Variants in SLC35F1 observed in about 807,000 individuals in gnomAD.
SLC35F1 encodes the protein solute carrier family 35 member F1, also known as chromosome 6 open reading frame 169.
A neutral mutation model predicts 48.7 loss-of-function variants in SLC35F1; 14 were observed. The observed-to-expected ratio is 0.29, with a 90% confidence interval of 0.19 to 0.45. The LOEUF (loss-of-function observed/expected upper bound fraction) is 0.45, where lower values mean the gene tolerates loss of function less well. SLC35F1 is among the 20% of genes least tolerant of loss of function. The pLI is 1.00. For missense variants in SLC35F1, 404 were observed against 500.0 expected (o/e 0.81, Z 1.83); for synonymous variants, 190 against 202.2 (o/e 0.94, Z 0.51).
chr6:117,938,363 C>T (rs1776186087), intron 1 of SLC35F1, among the ~76,000 whole-genome samples: 1 of 152,244 alleles, frequency 6.6e-6, no homozygotes, highest in Non-Finnish European at 1.5e-5. Context: ...ATCATATTGA[C>T]ATTAATAACT....
intron 1 of SLC35F1, among the ~76,000 whole-genome samples, chr6:118,110,192 T>C (rs1219865454): frequency 6.6e-6 from 1 of 151,992 alleles, no homozygotes; most frequent in African/African-American, 2.4e-5. Context: ...GCTCCCTTCC[T>C]CACAACAGCA....
intron 1 of SLC35F1, among the ~76,000 whole-genome samples, chr6:117,949,181 G>A (rs1776330889): frequency 6.6e-6 from 1 of 152,110 alleles, no homozygotes; most frequent in Non-Finnish European, 1.5e-5. Flanking sequence ...TATACTCTGG[G>A]ATGTTCCTTA....
intron 1 of SLC35F1, among the ~76,000 whole-genome samples, chr6:117,967,260 G>A (rs145766422): frequency 3.3e-5 from 5 of 152,050 alleles, no homozygotes; most frequent in African/African-American, 1.2e-4. Flanking sequence ...CTGGAAGAAG[G>A]ATAGAAAATA....
At chr6:118,051,194 T>C (rs183826461) in intron 1 of SLC35F1, among the ~76,000 whole-genome samples, 3 of 152,308 alleles carry the variant, frequency 2.0e-5, no homozygotes, top group Admixed American at 6.5e-5. Context: ...ACTTTTACCA[T>C]TTATCAAGCA....
intron 3 of SLC35F1, among the ~76,000 whole-genome samples, chr6:118,241,884 T>A (rs1562336766): frequency 6.6e-6 from 1 of 152,204 alleles, no homozygotes; most frequent in Non-Finnish European, 1.5e-5. Context: ...TCCCTCTAAA[T>A]TGTTTCATGT....
chr6:118,134,873 C>G (rs1773770628), intron 1 of SLC35F1, among the ~76,000 whole-genome samples: 1 of 152,192 alleles, frequency 6.6e-6, no homozygotes, highest in Admixed American at 6.5e-5. Context: ...CCTCCTCCTC[C>G]CCTTCCTTCT....
chr6:118,187,183 A>G (rs1285051844), intron 2 of SLC35F1, among the ~76,000 whole-genome samples: 1 of 152,240 alleles, frequency 6.6e-6, no homozygotes, highest in Non-Finnish European at 1.5e-5. Context: ...CTAGGCAGGC[A>G]TGTGAATGTT....
intron 6 of SLC35F1, among the ~76,000 whole-genome samples, chr6:118,282,278 C>G (rs567550297): frequency 6.6e-6 from 1 of 152,318 alleles, no homozygotes; most frequent in East Asian, 1.9e-4. Context: ...TGCATTCCAA[C>G]TCTCAATTTA....
At chr6:118,200,148 A>C (rs1774854160) in intron 2 of SLC35F1, among the ~76,000 whole-genome samples, 1 of 141,106 alleles carries the variant, frequency 7.1e-6, no homozygotes, top group Admixed American at 7.2e-5. Flanking sequence ...TACCGCTGAC[A>C]TACATACATA....
At chr6:118,215,895 A>G (rs764332501) in intron 2 of SLC35F1, among the ~76,000 whole-genome samples, 1 of 152,200 alleles carries the variant, frequency 6.6e-6, no homozygotes, top group Admixed American at 6.5e-5. Flanking sequence ...TCACTCTTCT[A>G]TCAAAGGAAT....
chr6:118,060,644 A>G (rs1772524089), intron 1 of SLC35F1, among the ~76,000 whole-genome samples: 1 of 152,208 alleles, frequency 6.6e-6, no homozygotes, highest in Non-Finnish European at 1.5e-5. Context: ...AGAAAATACA[A>G]AATGTATGAA....
chr6:118,262,839 C>A (rs1775729127), intron 3 of SLC35F1, among the ~76,000 whole-genome samples: 1 of 152,050 alleles, frequency 6.6e-6, no homozygotes, highest in South Asian at 2.1e-4. Flanking sequence ...GTAATCCCAG[C>A]AGTTTGGGAG....
intron 2 of SLC35F1, among the ~76,000 whole-genome samples, chr6:118,172,505 C>T (rs1774421352): frequency 6.6e-6 from 1 of 152,016 alleles, no homozygotes; most frequent in Non-Finnish European, 1.5e-5. Context: ...AAGTAGGTTG[C>T]AGGAATCCCA....
intron 2 of SLC35F1, among the ~76,000 whole-genome samples, chr6:118,208,147 C>G (rs1460094764): frequency 2.0e-5 from 3 of 152,156 alleles, no homozygotes; most frequent in Non-Finnish European, 2.9e-5. Context: ...ACACACACCC[C>G]TCTGCTGCAG....
At chr6:117,943,166 A>G (rs1050396788) in intron 1 of SLC35F1, among the ~76,000 whole-genome samples, 4 of 152,188 alleles carry the variant, frequency 2.6e-5, no homozygotes, top group Admixed American at 2.6e-4. Flanking sequence ...TTCAAATTCC[A>G]TTTGAACGTG....
intron 1 of SLC35F1, among the ~76,000 whole-genome samples, chr6:117,923,583 G>A (rs1284335637): frequency 4.0e-5 from 2 of 49,386 alleles, no homozygotes; most frequent in African/African-American, 1.2e-4. Context: ...ATATGTGTGT[G>A]TATATATACA....
At chr6:118,239,845 A>G (rs1349783018) in intron 3 of SLC35F1, among the ~76,000 whole-genome samples, 1 of 152,232 alleles carries the variant, frequency 6.6e-6, no homozygotes, top group East Asian at 1.9e-4. Flanking sequence ...GGCAAGTTGA[A>G]TCTAACAGTT....
At chr6:117,973,239 G>T (rs914394550) in intron 1 of SLC35F1, among the ~76,000 whole-genome samples, 1 of 152,042 alleles carries the variant, frequency 6.6e-6, no homozygotes, top group African/African-American at 2.4e-5. Flanking sequence ...TTCTTATAAA[G>T]ACAGCAGTCC....
chr6:117,907,377 C>G lies in SLC35F1; in HGVS notation c.-350C>G, dbSNP rs1775699176. On this transcript the variant is annotated 5_prime_UTR_variant, in exon 1 of 8. Transcript: ENST00000360388. ...GAGGAAACAAGGAGAAATCAGGACTCCTTCCCCGGAACCGACCGGCAGCTC... is the reference window on the plus strand; with the variant it reads ...GAGGAAACAAGGAGAAATCAGGACTGCTTCCCCGGAACCGACCGGCAGCTC... 5.9e-6 allele frequency: 1 copy of G among 170,348 alleles called. No homozygotes were observed. The highest frequency in any genetic ancestry group is 1.3e-5 in the Non-Finnish European group (1 of 79,968). 10.6% of individuals were successfully genotyped at this position (170,348 alleles called of 1,614,324 possible). A position where few individuals can be genotyped will look rare whatever the true frequency, so the allele number is the denominator to read the frequency against.
Sources: gnomAD v4.1 joint callset for allele counts (sites outside exome capture counted in the v4.1 genomes callset) on GRCh38, gnomAD v4.1.1 for gene constraint, MANE v1.5 for transcripts, NCBI Gene and HGNC (gene_info 2026-07-23, HGNC 2026-07-21) for gene names.